CCDC60: variants seen among roughly 807,000 people sequenced by gnomAD.
CCDC60 encodes the protein coiled-coil domain-containing protein 60.
A neutral mutation model predicts 63.5 loss-of-function variants in CCDC60; 54 were observed. The observed-to-expected ratio is 0.85, with a 90% CI of 0.68 to 1.07. The LOEUF (loss-of-function observed/expected upper bound fraction) is 1.07. Ranked by LOEUF, CCDC60 falls within the 50% of genes least tolerant of loss-of-function variation. The pLI is 0.00. For missense variants in CCDC60, 651 were observed against 684.3 expected (o/e 0.95, Z 0.54); for synonymous variants, 206 against 238.8 (o/e 0.86, Z 1.27).
rs559360605 is a variant in CCDC60, at chr12:119,451,940, T to C, written c.171-20054T>C. On this transcript the variant is annotated intron_variant, in intron 2 of 13. Transcript: ENST00000327554. ...ACTGGCCCTCACCAAGAGATCAAAT[T>C]ACCAACATCATCTTTTCTTCTTCAC... 2.0e-5 allele frequency among the ~76,000 whole-genome samples: 3 copies of C among 152,288 alleles called. No homozygotes were observed. The South Asian group carries it at 6.2e-4, about 32-fold the overall frequency.
intron 5 of CCDC60, among the ~76,000 whole-genome samples, chr12:119,498,753 G>A (rs928981301): frequency 2.0e-5 from 3 of 152,214 alleles, no homozygotes; most frequent in African/African-American, 7.2e-5. Flanking sequence ...TAGGTGGATG[G>A]ATGAATGGAT....
At position 119,416,967 on chromosome 12, in the gene CCDC60, C is replaced by T. The variant is rs149748123; in HGVS notation, c.91-11716C>T. Among the ~76,000 whole-genome samples the T allele has an allele frequency of 3.3e-4, 50 of 152,134 alleles. 1 individual carries two copies. In the East Asian group the frequency reaches 4.1e-3, roughly 12 times the overall value. ...GAAACCCCATCTATACAAAAAAATA[C>T]AAAATTATTCGGGCATGGTGGCACA... On this transcript the variant is annotated intron_variant, in intron 1 of 13. Coordinates refer to ENST00000327554, the MANE Select transcript of CCDC60 (RefSeq NM_178499.5).
chr12:119,390,675 C>A (rs1364804424), intron 1 of CCDC60, among the ~76,000 whole-genome samples: 1 of 152,144 alleles, frequency 6.6e-6, no homozygotes, highest in Non-Finnish European at 1.5e-5. Flanking sequence ...ACTTGGAGAT[C>A]CTTGTGGAAA....
At chr12:119,505,884 A>T (rs1042453317) in intron 7 of CCDC60, among the ~76,000 whole-genome samples, 12 of 152,236 alleles carry the variant, frequency 7.9e-5, no homozygotes, top group African/African-American at 2.7e-4. Context: ...AATTTAGCCC[A>T]GTTTATACAG....
rs559689789 is a variant in CCDC60, at chr12:119,480,763, A to C, written c.449+1562A>C. Among the ~76,000 whole-genome samples, 8 of 145,986 alleles carry C rather than the reference A, an allele frequency of 5.5e-5. No individual in the cohort carries two copies. The East Asian group carries it at 1.4e-3, about 26-fold the overall frequency. On this transcript the variant is annotated intron_variant, in intron 4 of 13. Coordinates refer to ENST00000327554, the MANE Select transcript of CCDC60 (RefSeq NM_178499.5). Reference sequence around the variant, plus strand: ...CATCACCATCATCCTCACCATCATCATCATCACCATCATCATCACCATCAT... The same window carrying C: ...CATCACCATCATCCTCACCATCATCCTCATCACCATCATCATCACCATCAT...
At chr12:119,396,486 G>A (rs963743879) in intron 1 of CCDC60, among the ~76,000 whole-genome samples, 1 of 152,108 alleles carries the variant, frequency 6.6e-6, no homozygotes, top group African/African-American at 2.4e-5. Flanking sequence ...TGCAGCAGTG[G>A]AACAGGGACC....
At chr12:119,522,147 A>G (rs1263430409) in intron 9 of CCDC60, among the ~76,000 whole-genome samples, 1 of 152,222 alleles carries the variant, frequency 6.6e-6, no homozygotes, top group African/African-American at 2.4e-5. Flanking sequence ...AGCCACAGAT[A>G]AAGTGGTCAG....
chr12:119,358,144 A>G (rs1807355444), intron 1 of CCDC60, among the ~76,000 whole-genome samples: 1 of 152,180 alleles, frequency 6.6e-6, no homozygotes, highest in South Asian at 2.1e-4. Flanking sequence ...ATCACCTCCC[A>G]CCAGGCCCCA....
rs1950318568 is a variant in CCDC60, at chr12:119,436,102, C to G, written c.170+7340C>G. ...ATATTCTTGTGGCCAAAGCAAGTCA[C>G]AAATCCAGACCAAGTTAAAGGTGGA... On this transcript the variant is annotated intron_variant, in intron 2 of 13. Transcript: ENST00000327554. 1.3e-5 allele frequency among the ~76,000 whole-genome samples: 2 copies of G among 152,176 alleles called. 1 individual carries two copies. Among genetic ancestry groups the G allele is most frequent in the South Asian group, 4.1e-4 (2 of 4,828 alleles).
intron 1 of CCDC60, among the ~76,000 whole-genome samples, chr12:119,384,683 G>A (rs1187015085): frequency 6.6e-6 from 1 of 152,210 alleles, no homozygotes; most frequent in Non-Finnish European, 1.5e-5. Context: ...GAGCTGCAAG[G>A]GGCTGGTCCT....
chr12:119,528,782 G>A, intron 12 of CCDC60, 36 bp downstream of exon 12: 2 of 1,599,660 alleles, frequency 1.3e-6, no homozygotes, highest in Non-Finnish European at 1.7e-6. Flanking sequence ...ATGGTCCCTG[G>A]AAGAGAACAG....
chr12:119,382,692 C>T (rs1956020612), intron 1 of CCDC60, among the ~76,000 whole-genome samples: 1 of 152,208 alleles, frequency 6.6e-6, no homozygotes, highest in South Asian at 2.1e-4. Context: ...CACACTTAGG[C>T]TGATTCATGA....
intron 1 of CCDC60, among the ~76,000 whole-genome samples, chr12:119,353,442 ATCTC>A (rs560596317): frequency 4.8e-5 from 7 of 147,002 alleles, no homozygotes; most frequent in Admixed American, 2.0e-4. Flanking sequence ...ATCTCTCAAA[ATCTC>A]TCTCTCTCTC....
At chr12:119,353,488 CTCTG>C (rs1467276034) in intron 1 of CCDC60, among the ~76,000 whole-genome samples, 2 of 81,838 alleles carry the variant, frequency 2.4e-5, no homozygotes, top group Admixed American at 3.5e-4. Flanking sequence ...CCGTCTCTGT[CTCTG>C]TCTCTCTGTC....
intron 2 of CCDC60, among the ~76,000 whole-genome samples, chr12:119,440,880 T>C (rs1950430545): frequency 6.6e-6 from 1 of 152,168 alleles, no homozygotes; most frequent in African/African-American, 2.4e-5. Context: ...CAAAGCACTC[T>C]CTCTCCCAAG....
intron 1 of CCDC60, among the ~76,000 whole-genome samples, chr12:119,381,963 C>T (rs1029384751): frequency 1.1e-4 from 17 of 152,226 alleles, no homozygotes; most frequent in African/African-American, 3.9e-4. Flanking sequence ...GAGCACAAAG[C>T]AGGCTGGCTC....
At chr12:119,364,139 T>C (rs905514561) in intron 1 of CCDC60, among the ~76,000 whole-genome samples, 2 of 152,026 alleles carry the variant, frequency 1.3e-5, no homozygotes, top group African/African-American at 2.4e-5. Context: ...AGCTAGGATA[T>C]TTGCTTCCCT....
intron 1 of CCDC60, among the ~76,000 whole-genome samples, chr12:119,391,591 G>A (rs997254806): frequency 3.3e-5 from 5 of 152,246 alleles, no homozygotes; most frequent in African/African-American, 1.2e-4. Flanking sequence ...TGTTGTGAAT[G>A]TCAAACAGAA....
intron 4 of CCDC60, among the ~76,000 whole-genome samples, chr12:119,480,859 GTCA>G (rs1221661323): frequency 5.8e-5 from 3 of 51,550 alleles, no homozygotes; most frequent in East Asian, 6.9e-4. Flanking sequence ...CATCATCACT[GTCA>G]TCATCACCAT....
Sources: gnomAD v4.1 joint callset for allele counts (sites outside exome capture counted in the v4.1 genomes callset) on GRCh38, gnomAD v4.1.1 for gene constraint, MANE v1.5 for transcripts, NCBI Gene and HGNC (gene_info 2026-07-23, HGNC 2026-07-21) for gene names.